Variants in MYRIP observed in about 807,000 individuals in gnomAD.
The protein encoded by MYRIP is myosin VIIA and Rab interacting protein.
MYRIP carries 49 observed loss-of-function variants against 98.0 expected under a neutral mutation model. That is an observed-to-expected ratio of 0.50 (90% CI 0.40 to 0.63). The LOEUF (loss-of-function observed/expected upper bound fraction) is 0.63. MYRIP is among the 30% of genes least tolerant of loss of function. MYRIP has a pLI of 0.00. For synonymous variants in MYRIP, 404 were observed against 409.5 expected (o/e 0.99, Z 0.16); for missense variants, 1,004 against 1,058.2 (o/e 0.95, Z 0.71).
chr3:39,870,400 T>C (rs1470445412), intron 1 of MYRIP, among the ~76,000 whole-genome samples: 1 of 152,218 alleles, frequency 6.6e-6, no homozygotes, highest in African/African-American at 2.4e-5. Context: ...ACAGGTGTCA[T>C]GGGAGAGAAT....
chr3:40,242,589 G>C (rs1380593972), intron 12 of MYRIP: 1 of 151,666 alleles, frequency 6.6e-6, no homozygotes, highest in Non-Finnish European at 1.5e-5. Flanking sequence ...TGATGACATT[G>C]AGTTTTGCGT....
At chr3:40,069,946 T>C (rs780126461) in intron 3 of MYRIP, among the ~76,000 whole-genome samples, 1 of 152,186 alleles carries the variant, frequency 6.6e-6, no homozygotes, top group Non-Finnish European at 1.5e-5. Context: ...TTACCCCAGC[T>C]TATGCTTAAA....
rs531133158 is a variant in MYRIP at position 40,071,260 on chromosome 3, G to T, written c.332+26989G>T. ...CTTGCTGGAGTTGGGGTCAGAATGTGAGCCATCAGAGAGATGGCTGGATCA... is the reference window on the plus strand; with the variant it reads ...CTTGCTGGAGTTGGGGTCAGAATGTTAGCCATCAGAGAGATGGCTGGATCA... On this transcript the variant is annotated intron_variant, in intron 3 of 16. Coordinates refer to ENST00000302541, the MANE Select transcript of MYRIP (RefSeq NM_015460.4). The T allele has an allele frequency of 2.0e-3, 1,784 of 912,734 alleles. 3 individuals are homozygous for T. Among genetic ancestry groups the T allele is most frequent in the Non-Finnish European group, 2.2e-3 (1,698 of 763,762 alleles). The allele number at this position is 912,734 out of a possible 1,614,324, so 56.5% of individuals were successfully genotyped here. A position where few individuals can be genotyped will look rare whatever the true frequency, so the allele number is the denominator to read the frequency against.
chr3:40,089,353 C>T (rs150907856), intron 3 of MYRIP, among the ~76,000 whole-genome samples: 4 of 152,246 alleles, frequency 2.6e-5, no homozygotes, highest in African/African-American at 9.6e-5. Flanking sequence ...TTCAACTATC[C>T]ATGAGGTGTG....
intron 1 of MYRIP, among the ~76,000 whole-genome samples, chr3:39,866,349 AT>A (rs1178917569): frequency 7.2e-5 from 11 of 152,356 alleles, no homozygotes; most frequent in African/African-American, 2.6e-4. Context: ...AGTTAAAAAA[AT>A]AAGTGAATTC....
intron 11 of MYRIP, among the ~76,000 whole-genome samples, chr3:40,229,340 C>T (rs1315672502): frequency 6.6e-5 from 10 of 152,112 alleles, no homozygotes; most frequent in Non-Finnish European, 4.4e-5. Context: ...AAATACAAGT[C>T]TTACTCTGCC....
chr3:40,139,615 T>C (rs367685512), intron 3 of MYRIP, among the ~76,000 whole-genome samples: 3 of 152,366 alleles, frequency 2.0e-5, no homozygotes, highest in African/African-American at 7.2e-5. Context: ...GGTCGCCTTC[T>C]GTTGCCCAGG....
At chr3:40,131,106 C>A (rs1949628784) in intron 3 of MYRIP, among the ~76,000 whole-genome samples, 1 of 152,144 alleles carries the variant, frequency 6.6e-6, no homozygotes, top group East Asian at 1.9e-4. Flanking sequence ...TGAAGAATTG[C>A]CATTGTGAAA....
chr3:40,176,713 G>A (rs1199593564), intron 8 of MYRIP, among the ~76,000 whole-genome samples: 3 of 152,018 alleles, frequency 2.0e-5, no homozygotes, highest in Admixed American at 6.6e-5. Flanking sequence ...TTCAAGACCA[G>A]CCTGACCAAC....
chr3:39,872,907 C>T (rs755853279), intron 1 of MYRIP, among the ~76,000 whole-genome samples: 47 of 152,260 alleles, frequency 3.1e-4, no homozygotes, highest in African/African-American at 9.4e-4. Context: ...CCTGAGGAAT[C>T]GCCACACTGA....
Position 39,919,723 on chromosome 3 carries a change from TGTGTGA to T in MYRIP, c.110+18799_110+18804del, listed in dbSNP as rs1250759020. 5.5e-3 allele frequency among the ~76,000 whole-genome samples: 810 copies of T among 146,762 alleles called. 8 individuals carry two copies. The highest frequency in any genetic ancestry group is 0.02 in the African/African-American group (761 of 38,668). On this transcript the variant is annotated intron_variant, in intron 2 of 16. Transcript: ENST00000302541. ...GTGTGTGTGTGTGTGTGTGTGTGTG[TGTGTGA>T]GAGAGAGAGAGAGAGAGAGAAATTC...
chr3:39,876,937 T>C (rs1943014655), intron 1 of MYRIP, among the ~76,000 whole-genome samples: 1 of 152,194 alleles, frequency 6.6e-6, no homozygotes, highest in Non-Finnish European at 1.5e-5. Flanking sequence ...TGCAGAGTGT[T>C]TTCCAACTTG....
At chr3:40,212,185 T>C (rs1241929303) in intron 11 of MYRIP, among the ~76,000 whole-genome samples, 1 of 4,710 alleles carries the variant, frequency 2.1e-4, no homozygotes, top group Admixed American at 2.5e-3. Flanking sequence ...TATACGTGTA[T>C]GTGTATATAC....
chr3:39,947,370 G>T (rs917343262), intron 2 of MYRIP, among the ~76,000 whole-genome samples: 1 of 151,942 alleles, frequency 6.6e-6, no homozygotes, highest in Non-Finnish European at 1.5e-5. Context: ...CAGCTGGCTT[G>T]TTTCCTGAAA....
intron 11 of MYRIP, among the ~76,000 whole-genome samples, chr3:40,214,855 A>G (rs1483081598): frequency 6.6e-6 from 1 of 152,092 alleles, no homozygotes; most frequent in Non-Finnish European, 1.5e-5. Context: ...GGGGGATGCA[A>G]AAGAGGACTA....
intron 1 of MYRIP, among the ~76,000 whole-genome samples, chr3:39,889,372 C>G (rs1943415485): frequency 6.6e-6 from 1 of 152,088 alleles, no homozygotes; most frequent in African/African-American, 2.4e-5. Flanking sequence ...AGTTCATGTC[C>G]TTTATAGGGA....
intron 3 of MYRIP, among the ~76,000 whole-genome samples, chr3:40,110,657 C>G (rs1355310086): frequency 6.6e-6 from 1 of 152,190 alleles, no homozygotes; most frequent in African/African-American, 2.4e-5. Context: ...CCTGTGTCCT[C>G]TGACCCCTTT....
intron 11 of MYRIP, among the ~76,000 whole-genome samples, chr3:40,227,551 C>A (rs370030410): frequency 3.2e-4 from 49 of 152,062 alleles, no homozygotes; most frequent in African/African-American, 1.2e-3. Context: ...ATTATAGAGG[C>A]TTTTTTCTTT....
At chr3:40,141,889 G>A (rs1949903677) in intron 3 of MYRIP, among the ~76,000 whole-genome samples, 1 of 152,072 alleles carries the variant, frequency 6.6e-6, no homozygotes, top group Non-Finnish European at 1.5e-5. Context: ...AATGCCTCTA[G>A]CTTTGTTCTT....
Sources: gnomAD v4.1 joint callset for allele counts (sites outside exome capture counted in the v4.1 genomes callset) on GRCh38, gnomAD v4.1.1 for gene constraint, MANE v1.5 for transcripts, NCBI Gene and HGNC (gene_info 2026-07-23, HGNC 2026-07-21) for gene names.